The following ADGRE1 variants were observed in gnomAD, a reference collection of about 807,000 sequenced individuals.
ADGRE1 encodes the protein EGF-like module receptor 1.
In ADGRE1, 82 loss-of-function variants were observed where a neutral mutation model predicts 102.7. That is an observed-to-expected ratio of 0.80 (90% CI 0.67 to 0.96). ADGRE1 has a LOEUF of 0.96. ADGRE1 is among the 40% of genes least tolerant of loss of function. The probability of loss-of-function intolerance (pLI) is 0.00; values close to 1 mark genes in which losing one functional copy is unlikely to be tolerated. For synonymous variants in ADGRE1, 398 were observed against 399.6 expected (o/e 1.00, Z 0.05); for missense variants, 1,032 against 1,085.3 (o/e 0.95, Z 0.69).
intron 2 of ADGRE1, among the ~76,000 whole-genome samples, chr19:6,891,868 G>C (rs1408414128): frequency 1.3e-5 from 2 of 152,170 alleles, no homozygotes; most frequent in Admixed American, 6.5e-5. Context: ...CAAAGGGGCA[G>C]GGTGGGATAG....
chr19:6,895,253 GACAGTAC>G (rs1973508814), intron 2 of ADGRE1: 1 of 152,238 alleles, frequency 6.6e-6, no homozygotes, highest in Non-Finnish European at 1.5e-5. Context: ...GGCATGACCA[GACAGTAC>G]ACACATCACT....
intron 11 of ADGRE1, 30 bp from the exon 12 acceptor site, chr19:6,916,219 C>G (rs1974373895): frequency 6.3e-7 from 1 of 1,598,474 alleles, no homozygotes; most frequent in African/African-American, 1.3e-5. Flanking sequence ...TCTGGGTGAC[C>G]TCATACGAAC....
At chr19:6,893,624 G>C (rs1762945536) in intron 2 of ADGRE1, among the ~76,000 whole-genome samples, 1 of 152,192 alleles carries the variant, frequency 6.6e-6, no homozygotes, top group African/African-American at 2.4e-5. Context: ...TTTGGATTTT[G>C]AAAGGTCTGG....
chr19:6,937,575 G>T lies in ADGRE1; in HGVS notation c.2582G>T (p.Gly861Val). 6.2e-7 allele frequency: 1 copy of T among 1,614,032 alleles called. No homozygotes were observed. Among genetic ancestry groups the T allele is most frequent in the Non-Finnish European group, 8.5e-7 (1 of 1,180,008 alleles). The stretch of plus-strand genomic sequence containing the variant: ...GAAGAATACAAGAGGTGGATCACTG[G>T]GAAGACGAAGCCCAGCTCCCAGTCC... ...VREEYKRWITGKTKPSSQSQT... is the reference protein window; with the variant it reads ...VREEYKRWITVKTKPSSQSQT... Residue 861 changes from glycine (G) to valine (V), a missense_variant, in exon 20 of 21, where the codon GGG becomes GTG. Gly to Val is a moderately radical substitution (Grantham distance 109, BLOSUM62 -3). Transcript: ENST00000312053.
In ADGRE1 at chr19:6,897,218, G is replaced by A; in HGVS notation, c.308G>A (p.Arg103Lys). The change falls in exon 4 of 21, where the codon AGG becomes AAG. Residue 103 changes from arginine to lysine, a missense_variant. Arg to Lys is a conservative substitution (Grantham distance 26). Transcript: ENST00000312053. ...TCATCCTGCAAAAACCTGTCAGGGAGGTACAAGTGCAGCTGTTTAGATGGT... is the reference window on the plus strand; with the variant it reads ...TCATCCTGCAAAAACCTGTCAGGGAAGTACAAGTGCAGCTGTTTAGATGGT... ...PNSSCKNLSG[R>K]YKCSCLDGFS... The A allele has an allele frequency of 4.3e-6, 7 of 1,613,668 alleles. No individual in the cohort carries two copies. The highest frequency in any genetic ancestry group is 5.1e-6 in the Non-Finnish European group (6 of 1,179,928).
chr19:6,899,812 G>C (rs755312679), intron 5 of ADGRE1, among the ~76,000 whole-genome samples: 3 of 151,994 alleles, frequency 2.0e-5, no homozygotes, highest in Non-Finnish European at 4.4e-5. Flanking sequence ...TCTTTAATCA[G>C]CCGGGCGCAG....
Position 6,935,088 on chromosome 19 carries a change from T to C in ADGRE1, c.2381+10T>C. On this transcript the variant is annotated intron_variant, in intron 18 of 20. Coordinates refer to ENST00000312053, the MANE Select transcript of ADGRE1 (RefSeq NM_001974.5). ...CGCTAAAAGACACCAGGTAAAGCCC[T>C]CTTTCACCTCCCCCCCTCTTTTAAT... 1.3e-6 allele frequency: 2 copies of C among 1,531,116 alleles called. No individual in the cohort carries two copies. The highest frequency in any genetic ancestry group is 1.8e-6 in the Non-Finnish European group (2 of 1,141,076). 94.8% of individuals were successfully genotyped at this position (1,531,116 alleles called of 1,614,324 possible). A position where few individuals can be genotyped will look rare whatever the true frequency, so the allele number is the denominator to read the frequency against.
chr19:6,923,133 C>A (rs1437267199), intron 14 of ADGRE1, among the ~76,000 whole-genome samples: 1 of 152,076 alleles, frequency 6.6e-6, no homozygotes, highest in Non-Finnish European at 1.5e-5. Flanking sequence ...AATTCCCTAC[C>A]AGAGAGGCCA....
chr19:6,908,587 C>A, intron 9 of ADGRE1, 102 bp from the exon 10 acceptor site: 1 of 972,154 alleles, frequency 1.0e-6, no homozygotes, highest in Non-Finnish European at 1.5e-6. Flanking sequence ...TCAGAGCCAC[C>A]TCATATGATG....
intron 2 of ADGRE1, among the ~76,000 whole-genome samples, chr19:6,890,867 T>C (rs570253540): frequency 3.9e-5 from 6 of 152,308 alleles, no homozygotes; most frequent in Non-Finnish European, 7.3e-5. Context: ...GTATGAGCTT[T>C]ATAAATGGTA....
intron 2 of ADGRE1, 38 bp from the exon 3 acceptor site, chr19:6,896,360 T>C (rs1450962299): frequency 1.2e-6 from 2 of 1,606,746 alleles, no homozygotes; most frequent in Non-Finnish European, 1.7e-6. Flanking sequence ...ACTCTAATGC[T>C]CTAATCTTGT....
At chr19:6,939,340 C>T (rs1975575596) in intron 20 of ADGRE1, among the ~76,000 whole-genome samples, 1 of 152,086 alleles carries the variant, frequency 6.6e-6, no homozygotes, top group Admixed American at 6.6e-5. Flanking sequence ...ATTATCCCAC[C>T]ACATACAGAT....
chr19:6,926,705 AC>A, intron 16 of ADGRE1, 104 bp downstream of exon 16: 1 of 1,208,154 alleles, frequency 8.3e-7, no homozygotes, highest in Non-Finnish European at 1.2e-6. Context: ...AGTTGTGGCT[AC>A]CATTTATCGA....
At chr19:6,893,119 A>G (rs1490809065) in intron 2 of ADGRE1, among the ~76,000 whole-genome samples, 3 of 152,140 alleles carry the variant, frequency 2.0e-5, no homozygotes, top group Non-Finnish European at 4.4e-5. Flanking sequence ...GGTTTATTTC[A>G]CTTAACATAA....
chr19:6,910,570 CT>C (rs11303491), intron 10 of ADGRE1, among the ~76,000 whole-genome samples: 26,731 of 111,414 alleles, frequency 0.24, 2,054 homozygotes, highest in East Asian at 0.41. Flanking sequence ...TGTTCCAACT[CT>C]TTTTTTTTTT....
At chr19:6,911,239 A>G (rs551919840) in intron 10 of ADGRE1, among the ~76,000 whole-genome samples, 17 of 152,120 alleles carry the variant, frequency 1.1e-4, no homozygotes, top group African/African-American at 4.1e-4. Context: ...GTTTATTGAA[A>G]TCCTTTTTTT....
At chr19:6,897,380 T>G in intron 4 of ADGRE1, 48 bp from the exon 5 acceptor site, 1 of 1,602,840 alleles carries the variant, frequency 6.2e-7, no homozygotes, top group Middle Eastern at 1.7e-4. Flanking sequence ...ATTTCTGAAC[T>G]GAGGCACCCA....
intron 14 of ADGRE1, among the ~76,000 whole-genome samples, chr19:6,923,424 G>T (rs915506375): frequency 5.5e-4 from 84 of 152,156 alleles, no homozygotes; most frequent in African/African-American, 2.0e-3. Context: ...TAAGGCAATT[G>T]CCATTAATAT....
chr19:6,923,729 G>C (rs1289619083), intron 14 of ADGRE1, among the ~76,000 whole-genome samples: 1 of 151,574 alleles, frequency 6.6e-6, no homozygotes, highest in Non-Finnish European at 1.5e-5. Flanking sequence ...GTAGAGATAG[G>C]ATTTCGCCAT....
Sources: allele counts gnomAD v4.1 joint callset (sites outside exome capture counted in the v4.1 genomes callset), GRCh38; gene constraint gnomAD v4.1.1; transcripts MANE v1.5; gene names NCBI Gene and HGNC (gene_info 2026-07-23, HGNC 2026-07-21).